UNC5D: variants seen among roughly 807,000 people sequenced by gnomAD.
UNC5D encodes netrin receptor UNC5D.
Under a neutral mutation model 105.4 loss-of-function variants are expected in UNC5D, and 39 were observed. The observed-to-expected ratio is 0.37, with a 90% CI of 0.29 to 0.48. The LOEUF (loss-of-function observed/expected upper bound fraction) is 0.48. Ranked by LOEUF, UNC5D falls within the 20% of genes least tolerant of loss-of-function variation. The pLI is 0.98. For missense variants in UNC5D, 991 were observed against 1,202.4 expected, an observed-to-expected ratio of 0.82 and a Z score of 2.60; for synonymous variants, 452 against 450.4, an observed-to-expected ratio of 1.00 and a Z score of -0.04.
At chr8:35,598,661 T>C (rs1269222049) in intron 4 of UNC5D, among the ~76,000 whole-genome samples, 1 of 152,194 alleles carries the variant, frequency 6.6e-6, no homozygotes, top group African/African-American at 2.4e-5. Context: ...AACCTAACTG[T>C]CCATCAATGG....
At chr8:35,444,983 A>G (rs1308175072) in intron 1 of UNC5D, among the ~76,000 whole-genome samples, 1 of 152,044 alleles carries the variant, frequency 6.6e-6, no homozygotes, top group Non-Finnish European at 1.5e-5. Flanking sequence ...TAGATGATAA[A>G]CTATAGCATC....
chr8:35,501,010 A>T (rs1811930609), intron 1 of UNC5D, among the ~76,000 whole-genome samples: 1 of 152,256 alleles, frequency 6.6e-6, no homozygotes, highest in Admixed American at 6.5e-5. Context: ...CTTTCCCATG[A>T]GCTCTGTGAG....
chr8:35,323,188 C>CTTTTTTTT (rs67076001), intron 1 of UNC5D, among the ~76,000 whole-genome samples: 1 of 125,926 alleles, frequency 7.9e-6, no homozygotes, highest in Non-Finnish European at 1.6e-5. Flanking sequence ...TTTTCTTTTT[C>CTTTTTTTT]TTTTTTTTTT....
chr8:35,392,248 C>T (rs1803823401), intron 1 of UNC5D, among the ~76,000 whole-genome samples: 1 of 152,146 alleles, frequency 6.6e-6, no homozygotes, highest in Admixed American at 6.5e-5. Flanking sequence ...CTCTGTCACC[C>T]AGGCTGGAAT....
At chr8:35,537,644 C>T (rs1035189801) in intron 1 of UNC5D, among the ~76,000 whole-genome samples, 2 of 151,742 alleles carry the variant, frequency 1.3e-5, no homozygotes, top group Admixed American at 1.3e-4. Context: ...GGCACTACTG[C>T]ACTCCAGCCT....
At chr8:35,701,860 T>C (rs929837437) in intron 7 of UNC5D, among the ~76,000 whole-genome samples, 1 of 150,208 alleles carries the variant, frequency 6.7e-6, no homozygotes, top group Non-Finnish European at 1.5e-5. Context: ...CCCTTGGTGC[T>C]GGAATTATGC....
At chr8:35,774,926 CAA>C (rs548702956) in intron 16 of UNC5D, among the ~76,000 whole-genome samples, 109 of 120,036 alleles carry the variant, frequency 9.1e-4, no homozygotes, top group Admixed American at 9.7e-4. Context: ...GACCCTCCTC[CAA>C]AAAAAAAAAA....
At chr8:35,723,556 A>C (rs1828697003) in intron 9 of UNC5D, among the ~76,000 whole-genome samples, 1 of 151,598 alleles carries the variant, frequency 6.6e-6, no homozygotes, top group South Asian at 2.1e-4. Context: ...CCACCACACC[A>C]AGCTAAGTTT....
chr8:35,317,213 A>AT (rs1158205506), intron 1 of UNC5D, among the ~76,000 whole-genome samples: 5 of 152,112 alleles, frequency 3.3e-5, no homozygotes, highest in Admixed American at 6.5e-5. Context: ...TCCCATAACC[A>AT]TTGTGATTAA....
intron 1 of UNC5D, among the ~76,000 whole-genome samples, chr8:35,517,180 A>G (rs1176843002): frequency 1.3e-5 from 2 of 152,074 alleles, no homozygotes; most frequent in African/African-American, 4.8e-5. Context: ...AAAGCCACAT[A>G]TACTGCCCCA....
chr8:35,749,646 A>C (rs548085447), intron 12 of UNC5D, among the ~76,000 whole-genome samples: 1 of 152,346 alleles, frequency 6.6e-6, no homozygotes, highest in East Asian at 1.9e-4. Context: ...AACCATGAGC[A>C]GATTTCCTGG....
chr8:35,705,186 G>C (rs11989072), intron 7 of UNC5D, among the ~76,000 whole-genome samples: 8,123 of 152,080 alleles, frequency 0.053, 446 homozygotes, highest in African/African-American at 0.14. Flanking sequence ...GGATGGTCTC[G>C]ATCTCCTGAC....
chr8:35,596,571 A>G (rs985511427), intron 4 of UNC5D, among the ~76,000 whole-genome samples: 8 of 152,140 alleles, frequency 5.3e-5, no homozygotes, highest in South Asian at 2.1e-4. Flanking sequence ...CATGTGCCCA[A>G]TGTGGTCAGA....
intron 1 of UNC5D, among the ~76,000 whole-genome samples, chr8:35,395,302 T>C (rs1040955300): frequency 6.6e-6 from 1 of 152,184 alleles, no homozygotes; most frequent in African/African-American, 2.4e-5. Flanking sequence ...CGCTAGTTGA[T>C]CATCAAAATG....
chr8:35,632,974 C>T (rs1156467559), intron 4 of UNC5D, among the ~76,000 whole-genome samples: 1 of 152,210 alleles, frequency 6.6e-6, no homozygotes, highest in Non-Finnish European at 1.5e-5. Flanking sequence ...TTAGCTTTAA[C>T]AATCAGCTCC....
At chr8:35,573,102 G>A (rs1410433275) in intron 3 of UNC5D, among the ~76,000 whole-genome samples, 2 of 152,224 alleles carry the variant, frequency 1.3e-5, no homozygotes, top group Middle Eastern at 3.4e-3. Context: ...CGCGCCTAGC[G>A]CAATTTTATA....
At chr8:35,628,833 C>G (rs955443336) in intron 4 of UNC5D, among the ~76,000 whole-genome samples, 2 of 152,106 alleles carry the variant, frequency 1.3e-5, no homozygotes, top group Non-Finnish European at 2.9e-5. Flanking sequence ...AACAGTGTGG[C>G]CCCTTCTAGA....
At chr8:35,652,273 T>C (rs1823460851) in intron 4 of UNC5D, among the ~76,000 whole-genome samples, 1 of 152,164 alleles carries the variant, frequency 6.6e-6, no homozygotes, top group Non-Finnish European at 1.5e-5. Context: ...AAAAAAAACA[T>C]AAAAACATTA....
chr8:35,499,361 A>C (rs1042741010), intron 1 of UNC5D, among the ~76,000 whole-genome samples: 5 of 152,214 alleles, frequency 3.3e-5, no homozygotes, highest in Non-Finnish European at 5.9e-5. Context: ...TAGCCTTGCT[A>C]TCATTTAGTT....
Sources: allele counts gnomAD v4.1 joint callset (sites outside exome capture counted in the v4.1 genomes callset), GRCh38; gene constraint gnomAD v4.1.1; transcripts MANE v1.5; gene names NCBI Gene and HGNC (gene_info 2026-07-23, HGNC 2026-07-21).